The following VPS13B variants were observed in gnomAD, a reference collection of about 807,000 sequenced individuals.
The protein encoded by VPS13B is intermembrane lipid transfer protein VPS13B.
Under a neutral mutation model 426.4 loss-of-function variants are expected in VPS13B, and 285 were observed. The ratio of observed to expected loss-of-function variants is 0.67; its 90% CI spans 0.61 to 0.74. The LOEUF is 0.74. Among genes scored for constraint, VPS13B ranks in the 30% least tolerant of loss-of-function variants. The probability of loss-of-function intolerance (pLI) is 0.00; values close to 1 mark genes in which losing one functional copy is unlikely to be tolerated. For missense variants in VPS13B, 4,537 were observed against 4,782.6 expected (o/e 0.95, Z 1.51); for synonymous variants, 1,676 against 1,676.4 (o/e 1.00, Z 0.01).
intron 61 of VPS13B, among the ~76,000 whole-genome samples, chr8:99,872,668 C>T (rs1447123303): frequency 6.6e-6 from 1 of 152,318 alleles, no homozygotes; most frequent in East Asian, 1.9e-4. Context: ...TTTTTCCACA[C>T]AGCAAGATAG....
At chr8:99,706,583 A>C (rs188391225) in intron 36 of VPS13B, among the ~76,000 whole-genome samples, 2 of 152,158 alleles carry the variant, frequency 1.3e-5, no homozygotes, top group African/African-American at 4.8e-5. Flanking sequence ...TAACCAAATT[A>C]GTCATTTCTG....
At chr8:99,302,271 A>C (rs926026791) in intron 19 of VPS13B, among the ~76,000 whole-genome samples, 2 of 152,228 alleles carry the variant, frequency 1.3e-5, no homozygotes, top group East Asian at 3.8e-4. Flanking sequence ...AGTGATAACT[A>C]TAAATATTTC....
At chr8:99,229,439 G>A (rs1295487735) in intron 17 of VPS13B, among the ~76,000 whole-genome samples, 1 of 152,176 alleles carries the variant, frequency 6.6e-6, no homozygotes, top group Non-Finnish European at 1.5e-5. Flanking sequence ...GTTGAAGGTG[G>A]GGGTGGACTT....
At chr8:99,489,712 A>G (rs996429924) in intron 25 of VPS13B, among the ~76,000 whole-genome samples, 1 of 152,030 alleles carries the variant, frequency 6.6e-6, no homozygotes, top group Admixed American at 6.5e-5. Flanking sequence ...TTTGTCTGTT[A>G]TTGGTGGATA....
chr8:99,134,581 A>G lies in VPS13B; in HGVS notation c.1207-51A>G, dbSNP rs760581881. The G allele has an allele frequency of 1.4e-5, 20 of 1,380,114 alleles. No homozygotes were observed. The Admixed American group carries it at 3.5e-4, about 24-fold the overall frequency. The allele number at this position is 1,380,114 out of a possible 1,614,324, so 85.5% of individuals were successfully genotyped here. A position where few individuals can be genotyped will look rare whatever the true frequency, so the allele number is the denominator to read the frequency against. On this transcript the variant is annotated intron_variant, in intron 8 of 61. Coordinates refer to ENST00000357162, the MANE Select transcript of VPS13B (RefSeq NM_152564.5). ...CAATTAATCATCATAATGACAATTT[A>G]TTGCTCTTTAATACTAAATTTGATT... is the stretch of plus-strand genomic sequence containing the variant.
chr8:99,511,611 T>C, intron 29 of VPS13B, 99 bp downstream of exon 29: 2 of 1,225,810 alleles, frequency 1.6e-6, no homozygotes, highest in South Asian at 1.4e-5. Flanking sequence ...ATATGAGCAG[T>C]TGGTTGTGCT....
chr8:99,863,261 T>G (rs1816922562), intron 58 of VPS13B, among the ~76,000 whole-genome samples: 1 of 152,098 alleles, frequency 6.6e-6, no homozygotes, highest in South Asian at 2.1e-4. Flanking sequence ...GTTGCCTGGT[T>G]TCCAAGAGTG....
At chr8:99,516,605 A>G (rs933910769) in intron 29 of VPS13B, among the ~76,000 whole-genome samples, 6 of 151,832 alleles carry the variant, frequency 4.0e-5, no homozygotes, top group African/African-American at 1.5e-4. Flanking sequence ...CCTGGGCTAC[A>G]TGGCGAAACC....
chr8:99,766,118 C>G (rs1788163), intron 39 of VPS13B, among the ~76,000 whole-genome samples: 16,652 of 144,204 alleles, frequency 0.12, 1,639 homozygotes, highest in East Asian at 0.4. Flanking sequence ...CTCTGTCGCC[C>G]AGGCTGGAGT....
intron 25 of VPS13B, among the ~76,000 whole-genome samples, chr8:99,488,299 A>G (rs1820411933): frequency 2.0e-5 from 3 of 152,126 alleles, no homozygotes; most frequent in South Asian, 4.1e-4. Flanking sequence ...CCCAAAGAGG[A>G]AAAAAGGGAA....
intron 30 of VPS13B, among the ~76,000 whole-genome samples, chr8:99,551,971 G>A (rs1824305250): frequency 6.6e-6 from 1 of 151,726 alleles, no homozygotes. Context: ...CCTCCTCCTT[G>A]TTCTGTCTAT....
At chr8:99,638,172 G>C (rs758401721) in intron 33 of VPS13B, among the ~76,000 whole-genome samples, 2 of 151,982 alleles carry the variant, frequency 1.3e-5, no homozygotes, top group Non-Finnish European at 2.9e-5. Context: ...TATTCAGTCA[G>C]CACACAATTA....
chr8:99,358,420 T>A (rs1264665634), intron 19 of VPS13B, among the ~76,000 whole-genome samples: 3 of 152,186 alleles, frequency 2.0e-5, no homozygotes, highest in Non-Finnish European at 2.9e-5. Context: ...AATATATTCA[T>A]TGAGTGTAAA....
intron 51 of VPS13B, among the ~76,000 whole-genome samples, chr8:99,825,285 G>A (rs757291758): frequency 6.6e-6 from 1 of 152,064 alleles, no homozygotes; most frequent in African/African-American, 2.4e-5. Context: ...GTATGAGATG[G>A]TATCTCATTG....
chr8:99,269,637 C>T (rs939038840), intron 17 of VPS13B, among the ~76,000 whole-genome samples: 6 of 152,166 alleles, frequency 3.9e-5, no homozygotes, highest in African/African-American at 1.4e-4. Flanking sequence ...TATCTGAAGC[C>T]ACATTTTAGC....
At chr8:99,026,174 G>A (rs1166485602) in intron 2 of VPS13B, among the ~76,000 whole-genome samples, 2 of 152,066 alleles carry the variant, frequency 1.3e-5, no homozygotes, top group African/African-American at 2.4e-5. Flanking sequence ...GCTATATTCC[G>A]TAGGATTTGC....
intron 12 of VPS13B, among the ~76,000 whole-genome samples, chr8:99,138,285 C>A (rs1810194467): frequency 6.6e-6 from 1 of 152,190 alleles, no homozygotes; most frequent in South Asian, 2.1e-4. Flanking sequence ...CGCTGCCATG[C>A]CTGGCTAATT....
intron 30 of VPS13B, among the ~76,000 whole-genome samples, chr8:99,521,797 G>T (rs1256945668): frequency 1.3e-5 from 2 of 152,168 alleles, no homozygotes; most frequent in African/African-American, 2.4e-5. Context: ...GCTAGGAAAA[G>T]ATTCTAATTT....
chr8:99,701,925 T>C (rs1335811957), intron 36 of VPS13B, among the ~76,000 whole-genome samples: 1 of 152,144 alleles, frequency 6.6e-6, no homozygotes, highest in Non-Finnish European at 1.5e-5. Flanking sequence ...GACTGATTTC[T>C]TGGAAAATTG....
Sources: gnomAD v4.1 joint callset for allele counts (sites outside exome capture counted in the v4.1 genomes callset) on GRCh38, gnomAD v4.1.1 for gene constraint, MANE v1.5 for transcripts, NCBI Gene and HGNC (gene_info 2026-07-23, HGNC 2026-07-21) for gene names.